TDRD3: variants seen among roughly 807,000 people sequenced by gnomAD.
TDRD3 encodes tudor domain-containing protein 3.
Under a neutral mutation model 86.7 loss-of-function variants are expected in TDRD3, and 45 were observed. That is an observed-to-expected ratio of 0.52 (90% CI 0.41 to 0.67). TDRD3 has a LOEUF of 0.67. Among genes scored for constraint, TDRD3 ranks in the 30% least tolerant of loss-of-function variants. The pLI, the probability that TDRD3 is intolerant of heterozygous loss-of-function variation, is 0.00. For synonymous variants in TDRD3, 298 were observed against 301.7 expected (o/e 0.99, Z 0.13); for missense variants, 814 against 889.0 (o/e 0.92, Z 1.07).
At chr13:60,426,325 T>C (rs182592419) in intron 1 of TDRD3, among the ~76,000 whole-genome samples, 1 of 152,182 alleles carries the variant, frequency 6.6e-6, no homozygotes, top group East Asian at 1.9e-4. Context: ...GGACAAAAAA[T>C]AGATCTGTAG....
chr13:60,412,558 T>C (rs1309553215), intron 1 of TDRD3, among the ~76,000 whole-genome samples: 1 of 152,192 alleles, frequency 6.6e-6, no homozygotes, highest in Non-Finnish European at 1.5e-5. Context: ...ATAACTAGTA[T>C]GACACATCAA....
At chr13:60,439,401 C>A (rs1483995732) in intron 1 of TDRD3, among the ~76,000 whole-genome samples, 1 of 152,096 alleles carries the variant, frequency 6.6e-6, no homozygotes, top group Non-Finnish European at 1.5e-5. Context: ...TAGCAAAGAG[C>A]AGCTTATACA....
At chr13:60,516,500 A>G (rs1957172439) in intron 10 of TDRD3, among the ~76,000 whole-genome samples, 1 of 152,212 alleles carries the variant, frequency 6.6e-6, no homozygotes, top group African/African-American at 2.4e-5. Flanking sequence ...GTTTTCTGTT[A>G]TCTAATGAAA....
intron 12 of TDRD3, among the ~76,000 whole-genome samples, chr13:60,544,826 CTATAAATAATCAATAGATGTATACTATAA>C (rs1455130865): frequency 2.6e-5 from 4 of 151,958 alleles, no homozygotes; most frequent in Non-Finnish European, 5.9e-5. Context: ...CAAAGGAACT[CTATAAATAATCAATAGATGTATACTATAA>C]GTACCTTCTC....
At chr13:60,532,452 GA>G (rs773551776) in intron 11 of TDRD3, among the ~76,000 whole-genome samples, 17 of 152,276 alleles carry the variant, frequency 1.1e-4, no homozygotes, top group Non-Finnish European at 1.9e-4. Flanking sequence ...ACAAATTGAA[GA>G]GGTGGCTTCT....
intron 4 of TDRD3, 93 bp from the exon 5 acceptor site, chr13:60,467,145 C>T: frequency 2.7e-6 from 4 of 1,467,502 alleles, no homozygotes; most frequent in Non-Finnish European, 3.7e-6. Context: ...CACTACCCCA[C>T]TGCCTGACAG....
At chr13:60,492,697 AT>A (rs1456688702) in intron 7 of TDRD3, among the ~76,000 whole-genome samples, 29 of 151,850 alleles carry the variant, frequency 1.9e-4, no homozygotes, top group African/African-American at 6.8e-4. Context: ...TTTTGCTGGG[AT>A]TCCATAAACC....
chr13:60,447,838 A>G lies in TDRD3; in HGVS notation c.192+3090A>G, dbSNP rs559685812. 2.6e-5 allele frequency among the ~76,000 whole-genome samples: 4 copies of G among 152,270 alleles called. No homozygotes were observed. The East Asian group carries it at 7.7e-4, about 29-fold the overall frequency. On this transcript the variant is annotated intron_variant, in intron 3 of 13. Coordinates refer to ENST00000377881, the MANE Select transcript of TDRD3 (RefSeq NM_001146070.2). Reference sequence around the variant, plus strand: ...CCCAGTATTTAAGAAGCAAAGAGTTAAAAAGCAACATGTTGCGGGGAGGAG... The same window carrying G: ...CCCAGTATTTAAGAAGCAAAGAGTTGAAAAGCAACATGTTGCGGGGAGGAG...
intron 12 of TDRD3, among the ~76,000 whole-genome samples, chr13:60,562,619 A>G (rs1566308026): frequency 6.6e-6 from 1 of 152,176 alleles, no homozygotes; most frequent in Non-Finnish European, 1.5e-5. Flanking sequence ...TGAAGGAGAT[A>G]TGTACTCATT....
intron 10 of TDRD3, among the ~76,000 whole-genome samples, chr13:60,527,704 T>G (rs1957476277): frequency 6.6e-6 from 1 of 152,232 alleles, no homozygotes; most frequent in Non-Finnish European, 1.5e-5. Flanking sequence ...TAGTAATGTT[T>G]CTGACACTTT....
At chr13:60,452,404 T>C (rs1234835105) in intron 3 of TDRD3, among the ~76,000 whole-genome samples, 1 of 152,166 alleles carries the variant, frequency 6.6e-6, no homozygotes, top group Non-Finnish European at 1.5e-5. Flanking sequence ...ATTATTCTTA[T>C]ATATTCTATT....
intron 1 of TDRD3, among the ~76,000 whole-genome samples, chr13:60,404,512 GT>G: frequency 6.6e-6 from 1 of 151,590 alleles, no homozygotes; most frequent in Admixed American, 6.6e-5. Flanking sequence ...GGGTTTCACC[GT>G]TTTAGCCGGG....
chr13:60,431,160 A>C (rs1428441552), intron 1 of TDRD3, among the ~76,000 whole-genome samples: 1 of 152,020 alleles, frequency 6.6e-6, no homozygotes, highest in Non-Finnish European at 1.5e-5. Context: ...AAATTATAGT[A>C]GTCTATTTTA....
chr13:60,494,999 T>G (rs1350749865), intron 8 of TDRD3, among the ~76,000 whole-genome samples: 1 of 152,230 alleles, frequency 6.6e-6, no homozygotes, highest in Non-Finnish European at 1.5e-5. Flanking sequence ...AAAATATTCT[T>G]GAATTTTTAA....
At chr13:60,535,550 G>T (rs1478659799) in intron 12 of TDRD3, 2 of 159,448 alleles carry the variant, frequency 1.3e-5, no homozygotes, top group Admixed American at 6.4e-5. Flanking sequence ...TTCCCAGTTT[G>T]TTACTTTGAA....
At chr13:60,509,978 T>C (rs1212737148) in intron 9 of TDRD3, 59 bp downstream of exon 9, 1 of 1,556,372 alleles carries the variant, frequency 6.4e-7, no homozygotes, top group Non-Finnish European at 8.7e-7. Context: ...GTAATATATG[T>C]TATTGACAGA....
At chr13:60,483,712 A>G (rs1487822819) in intron 5 of TDRD3, 63 bp from the exon 6 acceptor site, 1 of 1,480,390 alleles carries the variant, frequency 6.8e-7, no homozygotes, top group African/African-American at 1.4e-5. Flanking sequence ...CTGTTACATT[A>G]TAAATGCTGG....
chr13:60,538,969 G>C (rs1957754600), intron 12 of TDRD3, among the ~76,000 whole-genome samples: 1 of 152,108 alleles, frequency 6.6e-6, no homozygotes, highest in Non-Finnish European at 1.5e-5. Context: ...CTTTTTAAAA[G>C]TTCATAGTAT....
chr13:60,437,644 A>G (rs2137950048), intron 1 of TDRD3, among the ~76,000 whole-genome samples: 1 of 151,456 alleles, frequency 6.6e-6, no homozygotes, highest in South Asian at 2.1e-4. Flanking sequence ...AAATTAATTA[A>G]TCTATTCTAG....
Sources: gnomAD v4.1 joint callset for allele counts (sites outside exome capture counted in the v4.1 genomes callset) on GRCh38, gnomAD v4.1.1 for gene constraint, MANE v1.5 for transcripts, NCBI Gene and HGNC (gene_info 2026-07-23, HGNC 2026-07-21) for gene names.